The following CNTLN variants were observed in gnomAD, a reference collection of about 807,000 sequenced individuals.
The protein encoded by CNTLN is centlein, centrosomal protein.
In CNTLN, 212 loss-of-function variants were observed where a neutral mutation model predicts 180.0. The ratio of observed to expected loss-of-function variants is 1.18; its 90% CI spans 1.05 to 1.32. The LOEUF (loss-of-function observed/expected upper bound fraction) is 1.32, where lower values mean the gene tolerates loss of function less well. Among genes scored for constraint, CNTLN ranks in the 40% most tolerant of loss-of-function variants. The pLI, the probability that CNTLN is intolerant of heterozygous loss-of-function variation, is 0.00. For synonymous variants in CNTLN, 722 were observed against 563.1 expected (o/e 1.28, Z -3.99); for missense variants, 2,095 against 1,610.9 (o/e 1.30, Z -5.14).
intron 6 of CNTLN, among the ~76,000 whole-genome samples, chr9:17,284,401 T>G (rs547445549): frequency 6.6e-6 from 1 of 152,238 alleles, no homozygotes; most frequent in South Asian, 2.1e-4. Flanking sequence ...TGGGCTTTTT[T>G]TTGGCTGGTA....
At chr9:17,185,913 C>T (rs1471358922) in intron 2 of CNTLN, among the ~76,000 whole-genome samples, 2 of 151,998 alleles carry the variant, frequency 1.3e-5, no homozygotes, top group Non-Finnish European at 2.9e-5. Flanking sequence ...CCACCTCAGC[C>T]TCCTGAGGAG....
chr9:17,158,633 C>T (rs1174677806), intron 2 of CNTLN, among the ~76,000 whole-genome samples: 1 of 151,890 alleles, frequency 6.6e-6, no homozygotes, highest in African/African-American at 2.4e-5. Context: ...TTTCACATTT[C>T]TTCTAGGTTA....
Position 17,202,195 on chromosome 9 carries a change from G to A in CNTLN, c.450-24008G>A, listed in dbSNP as rs575753080. Among the ~76,000 whole-genome samples the A allele has an allele frequency of 6.6e-5, 10 of 152,314 alleles. No homozygotes were observed. In the South Asian group the frequency reaches 1.2e-3, roughly 19 times the overall value. ...CTAATTTGATTACACTGTGGTCTGAGAGACTGTTTATTATGATTTCTGTTT... is the reference window on the plus strand; with the variant it reads ...CTAATTTGATTACACTGTGGTCTGAAAGACTGTTTATTATGATTTCTGTTT... On this transcript the variant is annotated intron_variant, in intron 2 of 25. Coordinates refer to ENST00000380647, the MANE Select transcript of CNTLN (RefSeq NM_017738.4).
chr9:17,504,073 G>A (rs891805327), downstream of CNTLN: 6 of 145,292 alleles, frequency 4.1e-5, no homozygotes, highest in East Asian at 1.3e-3. Flanking sequence ...AGAATTTTAG[G>A]TGACACAAAT....
At chr9:17,306,558 G>T (rs138248334) in intron 7 of CNTLN, among the ~76,000 whole-genome samples, 1 of 152,170 alleles carries the variant, frequency 6.6e-6, no homozygotes, top group African/African-American at 2.4e-5. Flanking sequence ...GTGGAAGAAG[G>T]TCCCAAGATG....
At chr9:17,182,294 C>T (rs1821172921) in intron 2 of CNTLN, among the ~76,000 whole-genome samples, 1 of 151,818 alleles carries the variant, frequency 6.6e-6, no homozygotes, top group Non-Finnish European at 1.5e-5. Context: ...TTTTTTCTTT[C>T]TGTACTTAGT....
chr9:17,147,611 AT>A (rs1410159739), intron 2 of CNTLN, among the ~76,000 whole-genome samples: 1 of 151,524 alleles, frequency 6.6e-6, no homozygotes, highest in East Asian at 2.0e-4. Flanking sequence ...TTTATAGTTC[AT>A]TTATGGCTGC....
intron 25 of CNTLN, among the ~76,000 whole-genome samples, chr9:17,495,869 A>G (rs1010999456): frequency 3.9e-5 from 6 of 152,156 alleles, no homozygotes; most frequent in Admixed American, 3.3e-4. Context: ...GTTTAGGTAT[A>G]CTAATACTTA....
intron 21 of CNTLN, among the ~76,000 whole-genome samples, chr9:17,465,591 AG>A (rs34204614): frequency 0.096 from 14,458 of 150,852 alleles, 987 homozygotes; most frequent in Non-Finnish European, 0.14. Flanking sequence ...ATCCAAAAAA[AG>A]GTATGTAATA....
At chr9:17,375,199 T>A (rs1215308777) in intron 13 of CNTLN, among the ~76,000 whole-genome samples, 1 of 152,120 alleles carries the variant, frequency 6.6e-6, no homozygotes, top group Non-Finnish European at 1.5e-5. Context: ...TTCTCACTTA[T>A]TGGTGGGAGC....
rs538402117 is a variant in CNTLN at position 17,343,844 on chromosome 9, A to G, written c.1886+1400A>G. 1.8e-4 allele frequency among the ~76,000 whole-genome samples: 28 copies of G among 152,096 alleles called. No individual in the cohort carries two copies. In the East Asian group the frequency reaches 5.2e-3, roughly 28 times the overall value. ...TTTGTTGTCACTCCCCAGCCCTCCCATCCATCCTGCCCAGCCCTAGGAAAC... is the reference window on the plus strand; with the variant it reads ...TTTGTTGTCACTCCCCAGCCCTCCCGTCCATCCTGCCCAGCCCTAGGAAAC... On this transcript the variant is annotated intron_variant, in intron 12 of 25. Transcript: ENST00000380647.
At chr9:17,413,607 T>A (rs1028226137) in intron 16 of CNTLN, among the ~76,000 whole-genome samples, 1 of 152,098 alleles carries the variant, frequency 6.6e-6, no homozygotes, top group Non-Finnish European at 1.5e-5. Context: ...GCAGAAGATA[T>A]GAGCAAACAT....
intron 2 of CNTLN, among the ~76,000 whole-genome samples, chr9:17,177,567 C>T (rs76088556): frequency 6.6e-5 from 10 of 152,188 alleles, no homozygotes; most frequent in East Asian, 1.9e-4. Context: ...TTCTGATGGT[C>T]GGATATGTTC....
At chr9:17,294,695 T>A (rs1478286317) in intron 6 of CNTLN, among the ~76,000 whole-genome samples, 1 of 143,914 alleles carries the variant, frequency 6.9e-6, no homozygotes, top group African/African-American at 2.6e-5. Flanking sequence ...TCCTCAGCCC[T>A]TGGATGGGAC....
chr9:17,452,194 T>C (rs528389565), intron 18 of CNTLN, among the ~76,000 whole-genome samples: 2 of 152,292 alleles, frequency 1.3e-5, no homozygotes, highest in East Asian at 1.9e-4. Context: ...CCTTTATTTC[T>C]CATTATTGGG....
chr9:17,301,442 C>G (rs1369729285), intron 7 of CNTLN: 1 of 985,234 alleles, frequency 1.0e-6, no homozygotes, highest in Admixed American at 6.2e-5. Flanking sequence ...ATGTGCTAAC[C>G]TAATAATTGG....
intron 5 of CNTLN, among the ~76,000 whole-genome samples, chr9:17,268,680 TG>T (rs1165518574): frequency 1.3e-5 from 2 of 152,188 alleles, no homozygotes; most frequent in Admixed American, 6.5e-5. Flanking sequence ...GAGCTGTGGT[TG>T]GGCTCCACCC....
intron 5 of CNTLN, among the ~76,000 whole-genome samples, chr9:17,239,136 T>A (rs931765606): frequency 6.6e-6 from 1 of 152,154 alleles, no homozygotes; most frequent in Non-Finnish European, 1.5e-5. Flanking sequence ...CTTCCCGGGT[T>A]CAAGCTATTC....
intron 6 of CNTLN, among the ~76,000 whole-genome samples, chr9:17,295,980 G>T (rs976039584): frequency 4.9e-5 from 4 of 82,124 alleles, no homozygotes; most frequent in African/African-American, 2.7e-4. Flanking sequence ...GAGAGAGAGA[G>T]AGAGAGAGAG....
Sources: allele counts gnomAD v4.1 joint callset (sites outside exome capture counted in the v4.1 genomes callset), GRCh38; gene constraint gnomAD v4.1.1; transcripts MANE v1.5; gene names NCBI Gene and HGNC (gene_info 2026-07-23, HGNC 2026-07-21).